The following DMD variants were observed in gnomAD, a reference collection of about 807,000 sequenced individuals.
DMD encodes mutant dystrophin.
In DMD, 63 loss-of-function variants were observed where a neutral mutation model predicts 330.1. That is an observed-to-expected ratio of 0.19 (90% CI 0.16 to 0.24). The LOEUF (loss-of-function observed/expected upper bound fraction) is 0.24. Ranked by LOEUF, DMD falls within the 10% of genes least tolerant of loss-of-function variation. DMD has a pLI of 1.00. For synonymous variants in DMD, 1,223 were observed against 959.8 expected (o/e 1.27, Z -5.07); for missense variants, 3,344 against 2,684.1 (o/e 1.25, Z -5.43).
chrX:31,765,884 T>C (rs1229781014), intron 51 of DMD, among the ~76,000 whole-genome samples: 1 of 111,088 alleles, frequency 9.0e-6, no homozygotes, highest in Non-Finnish European at 1.9e-5. Flanking sequence ...AACATGGGTT[T>C]CAAAGACAAT....
intron 55 of DMD, among the ~76,000 whole-genome samples, chrX:31,563,162 TCAA>T (rs1435858036): frequency 1.8e-5 from 2 of 111,270 alleles, no homozygotes; most frequent in African/African-American, 6.6e-5. Flanking sequence ...CCTCCTGGGT[TCAA>T]GCGATTCTCC....
intron 57 of DMD, among the ~76,000 whole-genome samples, chrX:31,492,696 T>TA (rs2069420255): frequency 9.0e-6 from 1 of 111,172 alleles, no homozygotes. Context: ...TGTGAAGCCA[T>TA]AAAAAAGGAT....
At chrX:32,362,561 G>T in intron 37 of DMD, among the ~76,000 whole-genome samples, 1 of 111,441 alleles carries the variant, frequency 9.0e-6, no homozygotes, top group Admixed American at 9.6e-5. Flanking sequence ...GGCAGCAAAA[G>T]ATGAGAGAGA....
intron 55 of DMD, among the ~76,000 whole-genome samples, chrX:31,583,772 T>C (rs1182200886): frequency 9.1e-6 from 1 of 109,314 alleles, no homozygotes; most frequent in African/African-American, 3.3e-5. Flanking sequence ...TATTTTATTA[T>C]TATACTTTAA....
chrX:32,975,630 G>T (rs2092528544), intron 2 of DMD, among the ~76,000 whole-genome samples: 1 of 110,880 alleles, frequency 9.0e-6, no homozygotes, highest in African/African-American at 3.3e-5. Context: ...GGATTTCTGG[G>T]ATAGTTTTGT....
Position 31,507,383 on chromosome X carries a change from A to G in DMD, c.8288T>C (p.Leu2763Pro), listed in dbSNP as rs1314658289. 2 of 1,210,752 alleles carry G rather than the reference A, an allele frequency of 1.7e-6. No individual in the cohort carries two copies. Among genetic ancestry groups the G allele is most frequent in the Admixed American group, 2.2e-5 (1 of 46,032 alleles). The change falls in exon 56 of 79, where the codon CTG becomes CCG. Residue 2763 changes from leucine (L) to proline (P), a missense_variant. Transcript: ENST00000357033. ...HNLDENSQKI[L>P]RSLEGSDDAV... Reference sequence around the variant, plus strand: ...ATCATCGGAACCTTCCAGGGATCTCAGGATTTTTTGGCTGTTTTCATCCAG... The same window carrying G: ...ATCATCGGAACCTTCCAGGGATCTCGGGATTTTTTGGCTGTTTTCATCCAG...
At chrX:31,408,726 GTTTTGTTTT>G (rs1322029931) in intron 60 of DMD, among the ~76,000 whole-genome samples, 4 of 108,263 alleles carry the variant, frequency 3.7e-5, no homozygotes, top group African/African-American at 1.4e-4. Context: ...GTTTTGTTTT[GTTTTGTTTT>G]GTTTTTACTG....
Position 32,252,769 on chromosome X carries a change from TATAAATATATATAA to T in DMD, c.6290+34746_6290+34759del, listed in dbSNP as rs1569553672. Among the ~76,000 whole-genome samples the T allele has an allele frequency of 2.5e-3, 141 of 56,462 alleles. 8 individuals are homozygous for T. The highest frequency in any genetic ancestry group is 0.014 in the African/African-American group (139 of 10,280). 49.0% of individuals were successfully genotyped at this position (56,462 alleles called of 115,157 possible). On this transcript the variant is annotated intron_variant, in intron 43 of 78. Coordinates refer to ENST00000357033, the MANE Select transcript of DMD (RefSeq NM_004006.3). ...AAATATATATAAATATATAAATATA[TATAAATATATATAA>T]ATATATATAAATATATATATAAATA...
At chrX:31,198,023 T>TTA (rs768446243) in intron 67 of DMD, among the ~76,000 whole-genome samples, 4 of 64,927 alleles carry the variant, frequency 6.2e-5, no homozygotes, top group Non-Finnish European at 8.5e-5. Flanking sequence ...GTGTGGGAGC[T>TTA]AAAAAAAAAA....
rs754207703 is a variant in DMD, at chrX:31,855,549, C to T, written c.7099-18730G>A. ...TTTTCATTAAAAGCAAAGAAAAGAG[C>T]AATTCAATTCTGACTTCATGACTGA... is the stretch of plus-strand genomic sequence containing the variant. On this transcript the variant is annotated intron_variant, in intron 48 of 78. Transcript: ENST00000357033. Among the ~76,000 whole-genome samples, 11 of 111,558 alleles carry T rather than the reference C, an allele frequency of 9.9e-5. No individual in the cohort carries two copies. In the South Asian group the frequency reaches 3.8e-3, roughly 38 times the overall value.
intron 11 of DMD, among the ~76,000 whole-genome samples, chrX:32,615,745 A>C (rs1223068207): frequency 9.0e-6 from 1 of 111,383 alleles, no homozygotes; most frequent in Non-Finnish European, 1.9e-5. Context: ...GATTCACGAA[A>C]AATTAATGAG....
At chrX:32,305,368 G>A (rs1193720216) in intron 42 of DMD, among the ~76,000 whole-genome samples, 1 of 111,362 alleles carries the variant, frequency 9.0e-6, no homozygotes, top group Non-Finnish European at 1.9e-5. Context: ...ACTAAAATAT[G>A]AGAAGAAATC....
At chrX:32,721,546 G>A (rs1384724403) in intron 7 of DMD, among the ~76,000 whole-genome samples, 4 of 109,842 alleles carry the variant, frequency 3.6e-5, no homozygotes, top group Non-Finnish European at 7.6e-5. Context: ...TTTTTAATTG[G>A]GTTATTTAGT....
intron 40 of DMD, 137 bp downstream of exon 40, chrX:32,342,997 A>C (rs1257731752): frequency 2.5e-5 from 16 of 628,149 alleles, no homozygotes; most frequent in Non-Finnish European, 4.1e-5. Flanking sequence ...ACTGAAAACA[A>C]CACACAATAC....
At chrX:31,206,462 G>T in intron 66 of DMD, 120 bp downstream of exon 66, 1 of 653,998 alleles carries the variant, frequency 1.5e-6, no homozygotes, top group Non-Finnish European at 2.4e-6. Context: ...TCTAAAAGCA[G>T]TTCTACATCT....
At chrX:31,409,619 C>T (rs996078661) in intron 60 of DMD, among the ~76,000 whole-genome samples, 1 of 111,205 alleles carries the variant, frequency 9.0e-6, no homozygotes, top group Non-Finnish European at 1.9e-5. Flanking sequence ...ATCCTTGGGC[C>T]CTAATACAAT....
chrX:32,694,419 G>A (rs1321060663), intron 9 of DMD, among the ~76,000 whole-genome samples: 1 of 111,519 alleles, frequency 9.0e-6, no homozygotes, highest in Non-Finnish European at 1.9e-5. Context: ...TCCTTCTACA[G>A]TCTCACCCAT....
chrX:31,357,342 A>C (rs2058726237), intron 60 of DMD, among the ~76,000 whole-genome samples: 1 of 109,566 alleles, frequency 9.1e-6, no homozygotes, highest in Admixed American at 9.8e-5. Flanking sequence ...AATTTGAAAT[A>C]ATCATCAGTG....
chrX:32,094,466 T>C (rs1407816697), intron 44 of DMD, among the ~76,000 whole-genome samples: 1 of 112,053 alleles, frequency 8.9e-6, no homozygotes, highest in Non-Finnish European at 1.9e-5. Flanking sequence ...GTAATATCAA[T>C]AATGCCAAAA....
Sources: gnomAD v4.1 joint callset for allele counts (sites outside exome capture counted in the v4.1 genomes callset) on GRCh38, gnomAD v4.1.1 for gene constraint, MANE v1.5 for transcripts, NCBI Gene and HGNC (gene_info 2026-07-23, HGNC 2026-07-21) for gene names.